Variants in IGF1R observed in about 807,000 individuals in gnomAD.
IGF1R encodes insulin-like growth factor 1 receptor.
Under a neutral mutation model 144.6 loss-of-function variants are expected in IGF1R, and 44 were observed. The observed-to-expected ratio is 0.30, with a 90% confidence interval of 0.24 to 0.39. IGF1R has a LOEUF of 0.39. Ranked by LOEUF, IGF1R falls within the 10% of genes least tolerant of loss-of-function variation. IGF1R has a pLI of 1.00. For missense variants in IGF1R, 1,355 were observed against 1,833.7 expected (o/e 0.74, Z 4.77); for synonymous variants, 795 against 722.8 (o/e 1.10, Z -1.60).
chr15:98,706,979 G>A (rs898911227), intron 1 of IGF1R, among the ~76,000 whole-genome samples: 1 of 152,240 alleles, frequency 6.6e-6, no homozygotes, highest in East Asian at 1.9e-4. Context: ...ATTAATGCAC[G>A]TGTGGAGAGA....
At chr15:98,726,122 A>C (rs1439270927) in intron 2 of IGF1R, among the ~76,000 whole-genome samples, 1 of 152,230 alleles carries the variant, frequency 6.6e-6, no homozygotes, top group Non-Finnish European at 1.5e-5. Flanking sequence ...AGTATTCTTT[A>C]ATCTTTGCAC....
chr15:98,781,769 G>C (rs1344157412), intron 2 of IGF1R, among the ~76,000 whole-genome samples: 1 of 152,066 alleles, frequency 6.6e-6, no homozygotes, highest in Non-Finnish European at 1.5e-5. Context: ...CTATTACTGT[G>C]CCGGGGTACT....
intron 2 of IGF1R, among the ~76,000 whole-genome samples, chr15:98,776,173 T>A (rs2055708971): frequency 6.6e-6 from 1 of 151,308 alleles, no homozygotes; most frequent in South Asian, 2.1e-4. Context: ...TTTAATTATT[T>A]TTTATTATTT....
At chr15:98,919,087 G>A (rs2015376435) in intron 10 of IGF1R, among the ~76,000 whole-genome samples, 1 of 152,222 alleles carries the variant, frequency 6.6e-6, no homozygotes. Flanking sequence ...TTGAGGACTA[G>A]AAAGATTGCA....
intron 2 of IGF1R, among the ~76,000 whole-genome samples, chr15:98,774,078 T>G (rs990092489): frequency 4.8e-4 from 73 of 152,220 alleles, no homozygotes; most frequent in African/African-American, 1.7e-3. Flanking sequence ...CAGAAATAGC[T>G]GAAGAACTAT....
chr15:98,689,163 T>C (rs970942756), intron 1 of IGF1R, among the ~76,000 whole-genome samples: 14 of 152,194 alleles, frequency 9.2e-5, no homozygotes, highest in African/African-American at 3.4e-4. Flanking sequence ...CTTGCAGATT[T>C]TTTTTGGTTG....
chr15:98,707,955 C>T lies in IGF1R; in HGVS notation c.488C>T (p.Ala163Val), dbSNP rs182472366. 7 of 1,614,176 alleles carry T rather than the reference C, an allele frequency of 4.3e-6. No homozygotes were observed. In the South Asian group the frequency reaches 4.4e-5, roughly 10 times the overall value. The change falls in exon 2 of 21, where the codon GCG becomes GTG. Residue 163 changes from alanine to valine, a missense_variant. Coordinates refer to ENST00000650285, the MANE Select transcript of IGF1R (RefSeq NM_000875.5). The surrounding 1 kb of genome is among the most constrained non-coding windows in gnomAD (Gnocchi z 6.7). ...STVDWSLILD[A>V]VSNNYIVGNK... Reference sequence around the variant, plus strand: ...GTGGACTGGTCCCTGATCCTGGATGCGGTGTCCAATAACTACATTGTGGGG... The same window carrying T: ...GTGGACTGGTCCCTGATCCTGGATGTGGTGTCCAATAACTACATTGTGGGG...
intron 11 of IGF1R, 140 bp from the exon 12 acceptor site, chr15:98,923,736 G>C (rs894621318): frequency 5.5e-6 from 4 of 730,006 alleles, no homozygotes; most frequent in Non-Finnish European, 4.9e-6. Context: ...CGCGTGGATG[G>C]GGGCGTTATT....
intron 20 of IGF1R, among the ~76,000 whole-genome samples, chr15:98,956,408 C>T (rs2016985968): frequency 6.6e-6 from 1 of 152,256 alleles, no homozygotes; most frequent in East Asian, 1.9e-4. Context: ...AACAGCCTGG[C>T]TCATCGGCTG....
chr15:98,661,965 T>G (rs1469878957), intron 1 of IGF1R, among the ~76,000 whole-genome samples: 1 of 136,540 alleles, frequency 7.3e-6, no homozygotes, highest in Non-Finnish European at 1.5e-5. Flanking sequence ...CCTTTTTTTT[T>G]TTTTTTTTTT....
intron 2 of IGF1R, among the ~76,000 whole-genome samples, chr15:98,708,949 T>A (rs2053930638): frequency 6.6e-6 from 1 of 152,234 alleles, no homozygotes; most frequent in African/African-American, 2.4e-5. Flanking sequence ...CCCTTGAGAA[T>A]AACTGAGCTC....
At chr15:98,854,844 A>T (rs937013854) in intron 2 of IGF1R, among the ~76,000 whole-genome samples, 3 of 152,086 alleles carry the variant, frequency 2.0e-5, no homozygotes, top group Non-Finnish European at 4.4e-5. Context: ...CCTTTCCTGC[A>T]TGAGGCAGTA....
At chr15:98,867,158 A>AG (rs1317064214) in intron 2 of IGF1R, among the ~76,000 whole-genome samples, 2 of 64,806 alleles carry the variant, frequency 3.1e-5, no homozygotes, top group Non-Finnish European at 6.0e-5. Flanking sequence ...AAAGGGGGAG[A>AG]GAGAGAGAGA....
intron 8 of IGF1R, among the ~76,000 whole-genome samples, chr15:98,914,989 C>G (rs961698548): frequency 6.6e-6 from 1 of 152,184 alleles, no homozygotes; most frequent in African/African-American, 2.4e-5. Context: ...ATGTTCAGAA[C>G]CTTGTGTGTA....
chr15:98,957,374 T>TA lies in IGF1R; in HGVS notation c.4037dup (p.Tyr1346Ter), dbSNP rs1164155777. The stretch of plus-strand genomic sequence containing the variant: ...CGCCAGCTTCGACGAGAGACAGCCT[T>TA]ACGCCCACATGAACGGGGGCCGCAA... ...LRASFDERQPYAHMNGGRKNE... is the reference protein window; with the variant it reads ...LRASFDERQP The change falls in exon 21 of 21, where the codon TAC (tyrosine) becomes TAAC (stop). Residue 1346 changes from tyrosine to a stop codon, truncating the protein, a stop_gained and frameshift_variant. Transcript: ENST00000650285. LOFTEE classifies it high-confidence loss of function. 1.2e-6 allele frequency: 2 copies of TA among 1,613,274 alleles called. No homozygotes were observed. Among genetic ancestry groups the TA allele is most frequent in the East Asian group, 2.2e-5 (1 of 44,888 alleles).
intron 10 of IGF1R, among the ~76,000 whole-genome samples, chr15:98,921,770 C>T (rs561546255): frequency 1.3e-5 from 2 of 152,272 alleles, no homozygotes; most frequent in Admixed American, 6.5e-5. Context: ...AAATCTTAAC[C>T]ACAGCTGATA....
At chr15:98,667,027 G>A (rs183839554) in intron 1 of IGF1R, among the ~76,000 whole-genome samples, 4 of 151,884 alleles carry the variant, frequency 2.6e-5, no homozygotes, top group East Asian at 3.9e-4. Context: ...TAGGTACCAC[G>A]GGATCACTGC....
At chr15:98,692,542 TG>T (rs2053501626) in intron 1 of IGF1R, among the ~76,000 whole-genome samples, 1 of 152,178 alleles carries the variant, frequency 6.6e-6, no homozygotes, top group African/African-American at 2.4e-5. Context: ...TTTCTCTAAT[TG>T]TCAGAAGTGT....
At chr15:98,904,206 C>G (rs2014619374) in intron 5 of IGF1R, among the ~76,000 whole-genome samples, 1 of 152,058 alleles carries the variant, frequency 6.6e-6, no homozygotes, top group African/African-American at 2.4e-5. Flanking sequence ...CGCTCACCAC[C>G]ACGCCCGACT....
Sources: allele counts gnomAD v4.1 joint callset (sites outside exome capture counted in the v4.1 genomes callset), GRCh38; gene constraint gnomAD v4.1.1; non-coding constraint Gnocchi (gnomAD v3.1); transcripts MANE v1.5; gene names NCBI Gene and HGNC (gene_info 2026-07-23, HGNC 2026-07-21).